The following OSBP variants were observed in gnomAD, a reference collection of about 807,000 sequenced individuals.
OSBP encodes the protein oxysterol-binding protein 1.
OSBP carries 32 observed loss-of-function variants against 96.6 expected under a neutral mutation model. The ratio of observed to expected loss-of-function variants is 0.33; its 90% CI spans 0.25 to 0.45. OSBP has a LOEUF of 0.45. OSBP is among the 20% of genes least tolerant of loss of function. The pLI is 1.00. For missense variants in OSBP, 653 were observed against 1,029.7 expected, an observed-to-expected ratio of 0.63 and a Z score of 5.01; for synonymous variants, 369 against 389.6, an observed-to-expected ratio of 0.95 and a Z score of 0.62.
chr11:59,574,449 T>C lies in OSBP; in HGVS notation c.*2128A>G. On this transcript the variant is annotated 3_prime_UTR_variant, in exon 14 of 14. Coordinates refer to ENST00000263847, the MANE Select transcript of OSBP (RefSeq NM_002556.3). ...GTAGTTTTTTTTTTTTGGAAAAAAA[T>C]CAATAAGGCAAAAAAACTGAAAATA... 6.6e-6 allele frequency: 1 copy of C among 150,402 alleles called. No individual in the cohort carries two copies. The highest frequency in any genetic ancestry group is 2.5e-5 in the African/African-American group (1 of 40,560). The allele number at this position is 150,402 out of a possible 1,614,324, so 9.3% of individuals were successfully genotyped here.
chr11:59,586,178 G>GAAAAAAAAAAAAAAAA (rs34764421), intron 9 of OSBP, among the ~76,000 whole-genome samples: 1 of 60,406 alleles, frequency 1.7e-5, no homozygotes. Flanking sequence ...AATAAATAAA[G>GAAAAAAAAAAAAAAAA]AAAAAAAAAA....
chr11:59,595,373 A>G (rs1860636051), intron 7 of OSBP, among the ~76,000 whole-genome samples: 1 of 152,090 alleles, frequency 6.6e-6, no homozygotes, highest in East Asian at 1.9e-4. Flanking sequence ...GCAACGCTTT[A>G]CTTAAACAAA....
intron 9 of OSBP, among the ~76,000 whole-genome samples, chr11:59,582,726 CCTTAACTTAGGGAGT>C (rs1271319965): frequency 6.6e-6 from 1 of 152,052 alleles, no homozygotes; most frequent in Non-Finnish European, 1.5e-5. Flanking sequence ...GGTACTATGC[CCTTAACTTAGGGAGT>C]CTGCGGGAAC....
chr11:59,608,309 A>G (rs933092764), intron 3 of OSBP, among the ~76,000 whole-genome samples, 175 bp downstream of exon 3: 2 of 152,200 alleles, frequency 1.3e-5, no homozygotes, highest in Non-Finnish European at 2.9e-5. Context: ...AAGTCATTCA[A>G]TCTGTACAGC....
intron 1 of OSBP, among the ~76,000 whole-genome samples, chr11:59,611,734 C>T (rs1860851380): frequency 6.6e-6 from 1 of 152,182 alleles, no homozygotes; most frequent in African/African-American, 2.4e-5. Flanking sequence ...TTCAGCAGAT[C>T]TGCTCTCAGA....
At chr11:59,607,829 G>A (rs769276405) in intron 3 of OSBP, among the ~76,000 whole-genome samples, 4 of 152,204 alleles carry the variant, frequency 2.6e-5, no homozygotes, top group African/African-American at 9.7e-5. Flanking sequence ...AGCCACCCAA[G>A]TTAGGAGTCA....
chr11:59,605,107 C>A (rs963958743), intron 3 of OSBP, among the ~76,000 whole-genome samples: 8 of 148,602 alleles, frequency 5.4e-5, no homozygotes, highest in Admixed American at 2.7e-4. Flanking sequence ...GAGCTGAGAT[C>A]ACACTATTGC....
intron 7 of OSBP, among the ~76,000 whole-genome samples, chr11:59,599,102 A>C (rs1023748925): frequency 6.6e-6 from 1 of 152,246 alleles, no homozygotes; most frequent in East Asian, 1.9e-4. Flanking sequence ...GAACATAATG[A>C]GTTAAGCCAA....
chr11:59,578,075 GCAGAAATGCCTT>G, intron 12 of OSBP, 62 bp downstream of exon 12: 1 of 1,382,522 alleles, frequency 7.2e-7, no homozygotes, highest in South Asian at 1.2e-5. Context: ...GAGAGGGCAG[GCAGAAATGCCTT>G]CAATATTGCT....
chr11:59,610,136 A>T (rs1860826692), intron 2 of OSBP, among the ~76,000 whole-genome samples: 1 of 151,932 alleles, frequency 6.6e-6, no homozygotes, highest in Admixed American at 6.6e-5. Context: ...ATGCCATAGC[A>T]CCTCCCTCCC....
At chr11:59,595,294 T>C (rs1590672850) in intron 7 of OSBP, 1 of 152,386 alleles carries the variant, frequency 6.6e-6, no homozygotes, top group East Asian at 1.9e-4. Flanking sequence ...ATTATTAGCC[T>C]GAGTTCTAAG....
At position 59,576,255 on chromosome 11, in the gene OSBP, T is replaced by C. The variant is rs756930552; in HGVS notation, c.*322A>G. ...TACTACAAGGGGAGGGTGAGTGACA[T>C]TGTCTTAAATGGGGGCAGAGGGAGA... On this transcript the variant is annotated 3_prime_UTR_variant, in exon 14 of 14. Coordinates refer to ENST00000263847, the MANE Select transcript of OSBP (RefSeq NM_002556.3). 2.8e-4 allele frequency: 67 copies of C among 243,238 alleles called. No individual in the cohort carries two copies. Among genetic ancestry groups the C allele is most frequent in the Non-Finnish European group, 4.6e-4 (59 of 127,164 alleles). The allele number at this position is 243,238 out of a possible 1,614,324, so 15.1% of individuals were successfully genotyped here.
Position 59,576,734 on chromosome 11 carries a change from G to C in OSBP, c.2282-15C>G, listed in dbSNP as rs1394754926. On this transcript the variant is annotated splice_polypyrimidine_tract_variant and intron_variant, in intron 13 of 13. Coordinates refer to ENST00000263847, the MANE Select transcript of OSBP (RefSeq NM_002556.3). Reference sequence around the variant, plus strand: ...ATATGGTGTGCCTAAAAGGAAAAGAGAGGAAAGAAAAAAATTAGTGCTGGC... The same window carrying C: ...ATATGGTGTGCCTAAAAGGAAAAGACAGGAAAGAAAAAAATTAGTGCTGGC... 1.9e-6 allele frequency: 3 copies of C among 1,611,268 alleles called. No individual in the cohort carries two copies. The highest frequency in any genetic ancestry group is 4.5e-5 in the East Asian group (2 of 44,882).
At position 59,610,519 on chromosome 11, in the gene OSBP, C is replaced by T; in HGVS notation, c.433G>A (p.Asp145Asn). ...NLATANITVEDSCNFIISNGG... is the reference protein window; with the variant it reads ...NLATANITVENSCNFIISNGG... The stretch of plus-strand genomic sequence containing the variant: ...TTGGAAATGATGAAGTTGCAGGAGT[C>T]CTCCACGGTGATGTTGGCTGTGGCG... The change falls in exon 2 of 14, where the codon GAC (aspartate) becomes AAC (asparagine). Residue 145 changes from aspartate (D) to asparagine (N), a missense_variant. Physicochemically the swap from Asp to Asn is conservative, Grantham distance 23. Around this residue, in one of 6 missense-constraint regions of OSBP, gnomAD observed 308 missense variants for 573.1 expected, o/e 0.54. Transcript: ENST00000263847. The T allele has an allele frequency of 6.2e-7, 1 of 1,614,178 alleles. No individual in the cohort carries two copies. The highest frequency in any genetic ancestry group is 8.5e-7 in the Non-Finnish European group (1 of 1,180,006).
At chr11:59,580,355 A>T in intron 10 of OSBP, 86 bp from the exon 11 acceptor site, 1 of 848,480 alleles carries the variant, frequency 1.2e-6, no homozygotes, top group Non-Finnish European at 2.0e-6. Context: ...TTACTTTTCA[A>T]TCTTACATTC....
chr11:59,603,529 GTTTTTTTTTTT>G (rs370609645), intron 3 of OSBP, among the ~76,000 whole-genome samples: 3 of 86,764 alleles, frequency 3.5e-5, no homozygotes, highest in Non-Finnish European at 6.6e-5. Flanking sequence ...ATCACCTTCA[GTTTTTTTTTTT>G]TTTTTTTTTT....
intron 1 of OSBP, 84 bp downstream of exon 1, chr11:59,615,219 G>T: frequency 8.3e-7 from 1 of 1,200,316 alleles, no homozygotes; most frequent in Admixed American, 2.0e-5. Flanking sequence ...TGGCTGCGGT[G>T]CCGGCTGGCG....
rs768805720 is a variant in OSBP at position 59,576,885 on chromosome 11, G to A, written c.2201C>T (p.Ala734Val). Residue 734 changes from alanine (A) to valine (V), a missense_variant, in exon 13 of 14, where the codon GCG becomes GTG. This residue lies in a region of OSBP where 169 missense variants were observed against 251.5 expected (regional missense o/e 0.67). Transcript: ENST00000263847. ...TTTTTCCTCCAGGCGCTGCTTCTCC[G>A]CATTTGCTTCATCCCAGCGTCCATT... ...MENGRWDEAN[A>V]EKQRLEEKQR... is the part of the protein sequence containing the mutation. The A allele has an allele frequency of 3.0e-5, 49 of 1,613,992 alleles. No individual in the cohort carries two copies. The highest frequency in any genetic ancestry group is 5.3e-5 in the African/African-American group (4 of 74,878).
chr11:59,580,336 C>A, intron 10 of OSBP, 67 bp from the exon 11 acceptor site: 2 of 984,226 alleles, frequency 2.0e-6, no homozygotes, highest in Non-Finnish European at 3.2e-6. Flanking sequence ...ACCCATGGTT[C>A]ATAATTCTTT....
Sources: gnomAD v4.1 joint callset for allele counts (sites outside exome capture counted in the v4.1 genomes callset) on GRCh38, gnomAD v4.1.1 for gene constraint, gnomAD v4.1.1 regional missense constraint, MANE v1.5 for transcripts, NCBI Gene and HGNC (gene_info 2026-07-23, HGNC 2026-07-21) for gene names.